The following GLT6D1 variants were observed in gnomAD, a reference collection of about 807,000 sequenced individuals.
GLT6D1 encodes the protein putative glycosyltransferase 6 domain-containing protein 1.
A neutral mutation model predicts 12.3 loss-of-function variants in GLT6D1; 9 were observed. The ratio of observed to expected loss-of-function variants is 0.73; its 90% CI spans 0.44 to 1.27. GLT6D1 has a LOEUF of 1.27. GLT6D1 is among the 50% of genes most tolerant of loss of function. The pLI, the probability that GLT6D1 is intolerant of heterozygous loss-of-function variation, is 0.00. For missense variants in GLT6D1, 335 were observed against 346.2 expected, an observed-to-expected ratio of 0.97 and a Z score of 0.26; for synonymous variants, 128 against 132.3, an observed-to-expected ratio of 0.97 and a Z score of 0.23.
At chr9:135,640,325 G>A (rs184320323), upstream of GLT6D1, among the ~76,000 whole-genome samples, 46 of 152,300 alleles carry the variant, frequency 3.0e-4, no homozygotes, top group Admixed American at 2.9e-3. Context: ...GGGTGTCATA[G>A]TCTGGAAAGA....
At chr9:135,630,282 T>C (rs968964989) in intron 3 of GLT6D1, among the ~76,000 whole-genome samples, 1 of 151,664 alleles carries the variant, frequency 6.6e-6, no homozygotes, top group Admixed American at 6.6e-5. Flanking sequence ...GGCAGGCGCC[T>C]GTAGTCCCAG....
intron 3 of GLT6D1, among the ~76,000 whole-genome samples, chr9:135,626,543 T>TGGG (rs1833524244): frequency 6.6e-6 from 1 of 152,206 alleles, no homozygotes; most frequent in Non-Finnish European, 1.5e-5. Context: ...TTTTCCAAGC[T>TGGG]CTGACTACAG....
upstream of GLT6D1, among the ~76,000 whole-genome samples, chr9:135,641,125 G>C (rs1417846524): frequency 6.6e-6 from 1 of 152,060 alleles, no homozygotes; most frequent in Non-Finnish European, 1.5e-5. Context: ...GTGATGCAAA[G>C]AGATGGCCAA....
intron 4 of GLT6D1, among the ~76,000 whole-genome samples, chr9:135,625,367 G>A (rs547260071): frequency 2.6e-5 from 4 of 152,120 alleles, no homozygotes; most frequent in South Asian, 4.2e-4. Context: ...GAAGGAAATC[G>A]TGTCTATAGT....
intron 2 of GLT6D1, among the ~76,000 whole-genome samples, chr9:135,632,570 T>C (rs977897438): frequency 1.3e-5 from 2 of 152,174 alleles, no homozygotes; most frequent in Non-Finnish European, 2.9e-5. Flanking sequence ...GCTGGTCTTA[T>C]TAATTTCTGG....
rs752201659 is a variant in GLT6D1 at position 135,626,258 on chromosome 9, A to G, written c.120-52T>C. Reference sequence around the variant, plus strand: ...GGGAGTGCTTTACTGAGGCGCCGGCAGCAGGTGCCGAGCAGTAATGCCTAA... The same window carrying G: ...GGGAGTGCTTTACTGAGGCGCCGGCGGCAGGTGCCGAGCAGTAATGCCTAA... On this transcript the variant is annotated intron_variant, in intron 3 of 4. Transcript: ENST00000371763. 6 of 1,600,494 alleles carry G rather than the reference A, an allele frequency of 3.7e-6. No homozygotes were observed. The South Asian group carries it at 4.5e-5, about 12-fold the overall frequency.
chr9:135,640,641 A>C (rs537004134), upstream of GLT6D1, among the ~76,000 whole-genome samples: 2 of 151,846 alleles, frequency 1.3e-5, no homozygotes, highest in African/African-American at 4.8e-5. Context: ...AATCGCTTGA[A>C]CCCAAGAGGC....
intron 2 of GLT6D1, among the ~76,000 whole-genome samples, chr9:135,632,666 A>AT (rs5901081): frequency 0.011 from 1,576 of 138,372 alleles, 30 homozygotes; most frequent in African/African-American, 0.039. Context: ...CTCGACAGAG[A>AT]TTTTTTTTTT....
At chr9:135,640,657 T>A (rs1588208908), upstream of GLT6D1, among the ~76,000 whole-genome samples, 1 of 151,178 alleles carries the variant, frequency 6.6e-6, no homozygotes, top group African/African-American at 2.4e-5. Flanking sequence ...GAGGCGGAGG[T>A]TGCAGTGAGC....
At chr9:135,634,322 T>C (rs2119147127) in intron 2 of GLT6D1, among the ~76,000 whole-genome samples, 1 of 152,072 alleles carries the variant, frequency 6.6e-6, no homozygotes, top group South Asian at 2.1e-4. Flanking sequence ...AGAGACAGGA[T>C]TTTGCCATGT....
At chr9:135,631,889 G>T (rs976299390) in intron 2 of GLT6D1, among the ~76,000 whole-genome samples, 1 of 152,142 alleles carries the variant, frequency 6.6e-6, no homozygotes, top group Non-Finnish European at 1.5e-5. Context: ...GATTCTGTTT[G>T]CATTTATTTT....
At chr9:135,625,954 C>G in intron 4 of GLT6D1, 115 bp downstream of exon 4, 1 of 1,175,858 alleles carries the variant, frequency 8.5e-7, no homozygotes, top group East Asian at 2.4e-5. Flanking sequence ...GAAATCGTGG[C>G]TATTGTTATC....
chr9:135,634,442 C>CTTTTTTTTTTTTTTTTT (rs370291630), intron 2 of GLT6D1, among the ~76,000 whole-genome samples: 1 of 54,856 alleles, frequency 1.8e-5, no homozygotes, highest in Admixed American at 2.7e-4. Flanking sequence ...TTTTCCTTTC[C>CTTTTTTTTTTTTTTTTT]TTTTTTTTTT....
Position 135,623,861 on chromosome 9 carries a change from G to T in GLT6D1, c.*236C>A. On this transcript the variant is annotated 3_prime_UTR_variant, in exon 5 of 5. Transcript: ENST00000371763. ...TATCCTACATTAGCCAAATAAGATG[G>T]CTCAAAATGGCAAGAAGAAACATTT... is the stretch of plus-strand genomic sequence containing the variant. 1 of 454,162 alleles carries T rather than the reference G, an allele frequency of 2.2e-6. No homozygotes were observed. Among genetic ancestry groups the T allele is most frequent in the Non-Finnish European group, 3.9e-6 (1 of 257,094 alleles). 28.1% of individuals were successfully genotyped at this position (454,162 alleles called of 1,614,324 possible).
chr9:135,627,321 C>A (rs1363595235), intron 3 of GLT6D1, among the ~76,000 whole-genome samples: 1 of 152,144 alleles, frequency 6.6e-6, no homozygotes, highest in African/African-American at 2.4e-5. Flanking sequence ...AAAAATTAAT[C>A]TCATTACTAT....
chr9:135,625,382 CA>C (rs1162119369), intron 4 of GLT6D1, among the ~76,000 whole-genome samples: 2 of 152,084 alleles, frequency 1.3e-5, no homozygotes, highest in East Asian at 3.9e-4. Context: ...TATAGTAGAC[CA>C]TCTCCAAGAC....
At chr9:135,628,529 A>G (rs1476554684) in intron 3 of GLT6D1, among the ~76,000 whole-genome samples, 1 of 152,020 alleles carries the variant, frequency 6.6e-6, no homozygotes, top group Non-Finnish European at 1.5e-5. Context: ...TTATATTCAT[A>G]TGGGATATTG....
chr9:135,637,096 C>A (rs947388335), intron 2 of GLT6D1, among the ~76,000 whole-genome samples: 16 of 151,986 alleles, frequency 1.1e-4, no homozygotes, highest in African/African-American at 2.9e-4. Flanking sequence ...AGGTGATCCA[C>A]CTTCCTCAGC....
In GLT6D1 at chr9:135,624,080, T is replaced by C. The variant is rs762320315; in HGVS notation, c.*17A>G. 2.0e-6 allele frequency: 3 copies of C among 1,528,366 alleles called. No homozygotes were observed. Among genetic ancestry groups the C allele is most frequent in the African/African-American group, 2.7e-5 (2 of 72,886 alleles). 94.7% of individuals were successfully genotyped at this position (1,528,366 alleles called of 1,614,324 possible). On this transcript the variant is annotated 3_prime_UTR_variant, in exon 5 of 5. Coordinates refer to ENST00000371763, the MANE Select transcript of GLT6D1 (RefSeq NM_182974.3). Reference sequence around the variant, plus strand: ...AGGAGAAAATGCAAGATCCCAGCTGTATGCTGGTGATAACAGCTAGGTGGG... The same window carrying C: ...AGGAGAAAATGCAAGATCCCAGCTGCATGCTGGTGATAACAGCTAGGTGGG...
Sources: allele counts gnomAD v4.1 joint callset (sites outside exome capture counted in the v4.1 genomes callset), GRCh38; gene constraint gnomAD v4.1.1; transcripts MANE v1.5; gene names NCBI Gene and HGNC (gene_info 2026-07-23, HGNC 2026-07-21).